Variants in MAST2 observed in about 807,000 individuals in gnomAD.
MAST2 encodes microtubule-associated serine/threonine-protein kinase 2.
Under a neutral mutation model 147.4 loss-of-function variants are expected in MAST2, and 70 were observed. The observed-to-expected ratio is 0.47, with a 90% confidence interval of 0.39 to 0.58. MAST2 has a LOEUF of 0.58. Ranked by LOEUF, MAST2 falls within the 20% of genes least tolerant of loss-of-function variation. The pLI, the probability that MAST2 is intolerant of heterozygous loss-of-function variation, is 0.00. For synonymous variants in MAST2, 869 were observed against 896.8 expected, an observed-to-expected ratio of 0.97 and a Z score of 0.55; for missense variants, 2,080 against 2,302.3, an observed-to-expected ratio of 0.90 and a Z score of 1.98.
chr1:45,945,642 T>C (rs945387758), intron 4 of MAST2, among the ~76,000 whole-genome samples: 1 of 152,218 alleles, frequency 6.6e-6, no homozygotes. Flanking sequence ...CAGATTAAAC[T>C]GTGTATTAAG....
chr1:45,862,269 A>G (rs1392015958), intron 3 of MAST2, among the ~76,000 whole-genome samples: 1 of 152,190 alleles, frequency 6.6e-6, no homozygotes, highest in Non-Finnish European at 1.5e-5. Context: ...CAACAACCTT[A>G]TAAGGTAGAT....
rs751744112 is a variant in MAST2, at chr1:46,029,575, A to C, written c.2320+8A>C. On this transcript the variant is annotated splice_region_variant and intron_variant, in intron 19 of 28. Coordinates refer to ENST00000361297, the MANE Select transcript of MAST2 (RefSeq NM_015112.3). ...TGGAGAGACTTGGCACAGGTAGGGC[A>C]GGCCCTGCTAACTTTTCTCACTACT... 9 of 1,611,588 alleles carry C rather than the reference A, an allele frequency of 5.6e-6. No individual in the cohort carries two copies. The highest frequency in any genetic ancestry group is 7.6e-6 in the Non-Finnish European group (9 of 1,178,622).
At chr1:45,846,621 AC>A (rs1645445058) in intron 3 of MAST2, among the ~76,000 whole-genome samples, 2 of 152,108 alleles carry the variant, frequency 1.3e-5, no homozygotes, top group African/African-American at 4.8e-5. Context: ...GAAGTTCAAG[AC>A]CAGCCTGGCC....
intron 5 of MAST2, among the ~76,000 whole-genome samples, chr1:45,987,776 G>GTTTTTTTTTTTTTTTTTTTT (rs1644692974): frequency 4.6e-4 from 14 of 30,706 alleles, no homozygotes; most frequent in East Asian, 8.2e-4. Context: ...TTTTTTTTTT[G>GTTTTTTTTTTTTTTTTTTTT]ATTTTTTTTT....
At chr1:45,805,763 T>C (rs1316044558) in intron 1 of MAST2, among the ~76,000 whole-genome samples, 1 of 152,222 alleles carries the variant, frequency 6.6e-6, no homozygotes, top group Admixed American at 6.5e-5. Context: ...CTTGATTTCA[T>C]CCTCTTTTGT....
At position 46,006,356 on chromosome 1, in the gene MAST2, G is replaced by T; in HGVS notation, c.863G>T (p.Arg288Leu). Residue 288 changes from arginine to leucine, a missense_variant, in exon 8 of 29, where the codon CGG (arginine) becomes CTG (leucine). By Grantham distance (102) the Arg-to-Leu change is moderately radical. Transcript: ENST00000361297. ...GAGAGCGTACCAGATGAGGAAGGAC[G>T]GCAGTCCCCAGCCATGCGGCCTCGC... The part of the protein sequence containing the change: ...STESVPDEEG[R>L]QSPAMRPRSR... 6.2e-7 allele frequency: 1 copy of T among 1,613,594 alleles called. No homozygotes were observed. Among genetic ancestry groups the T allele is most frequent in the Non-Finnish European group, 8.5e-7 (1 of 1,179,690 alleles).
intron 4 of MAST2, among the ~76,000 whole-genome samples, chr1:45,941,611 T>TTG (rs1657282281): frequency 6.6e-6 from 1 of 152,230 alleles, no homozygotes; most frequent in African/African-American, 2.4e-5. Flanking sequence ...TAGGATTGTT[T>TTG]TGTGTGTGAA....
At chr1:45,940,820 C>T (rs914472367) in intron 4 of MAST2, among the ~76,000 whole-genome samples, 5 of 152,188 alleles carry the variant, frequency 3.3e-5, no homozygotes, top group South Asian at 2.1e-4. Flanking sequence ...GGGGTTTCAC[C>T]GTGTTAGCCA....
rs1373301846 is a variant in MAST2 at position 46,002,846 on chromosome 1, C to T, written c.710C>T (p.Ser237Leu). 6.2e-7 allele frequency: 1 copy of T among 1,614,190 alleles called. No homozygotes were observed. The change falls in exon 7 of 29, where the codon TCA (serine) becomes TTA (leucine). Residue 237 changes from serine to leucine, a missense_variant. Physicochemically the swap from Ser to Leu is moderately radical, Grantham distance 145. This residue lies in a region of MAST2 where 569 missense variants were observed against 642.5 expected (regional missense o/e 0.89). Coordinates refer to ENST00000361297, the MANE Select transcript of MAST2 (RefSeq NM_015112.3). ...TGGTCTTTGGCCTCTTTGCCCTCTT[C>T]AGGATATGGAACTAACACTCCTAGC... is the stretch of plus-strand genomic sequence containing the variant. ...RRWSLASLPS[S>L]GYGTNTPSST... is the part of the protein sequence containing the mutation.
chr1:45,982,562 G>A (rs780690069), intron 5 of MAST2, among the ~76,000 whole-genome samples: 10 of 152,140 alleles, frequency 6.6e-5, no homozygotes, highest in South Asian at 2.1e-4. Context: ...TGACACTCCC[G>A]GATTCCACAA....
intron 1 of MAST2, among the ~76,000 whole-genome samples, chr1:45,814,840 C>G (rs2148658682): frequency 6.6e-6 from 1 of 152,258 alleles, no homozygotes; most frequent in African/African-American, 2.4e-5. Context: ...TGTTATTAAA[C>G]TGTTCTTTTA....
At chr1:45,930,295 G>C (rs1406748992) in intron 4 of MAST2, among the ~76,000 whole-genome samples, 2 of 152,084 alleles carry the variant, frequency 1.3e-5, no homozygotes, top group African/African-American at 4.8e-5. Flanking sequence ...TGGCCAGGCT[G>C]ATCTTGAACT....
intron 1 of MAST2, among the ~76,000 whole-genome samples, chr1:45,820,540 A>G (rs1262528459): frequency 1.3e-5 from 2 of 152,186 alleles, no homozygotes; most frequent in Non-Finnish European, 2.9e-5. Context: ...TTTTTGTGGC[A>G]GATTACATCT....
At chr1:45,870,818 A>G (rs993901019) in intron 3 of MAST2, among the ~76,000 whole-genome samples, 5 of 151,864 alleles carry the variant, frequency 3.3e-5, no homozygotes, top group South Asian at 2.1e-4. Context: ...AGTTCCAGCT[A>G]TTTGGGAAGC....
chr1:45,900,711 T>C (rs374930436), intron 4 of MAST2, among the ~76,000 whole-genome samples: 42,366 of 110,854 alleles, frequency 0.38, 21,135 homozygotes, highest in Non-Finnish European at 0.47. Context: ...ATGATCCACC[T>C]GCCTCGGCCT....
At chr1:45,992,118 T>TATTTC (rs1644877639) in intron 5 of MAST2, among the ~76,000 whole-genome samples, 1 of 152,062 alleles carries the variant, frequency 6.6e-6, no homozygotes, top group African/African-American at 2.4e-5. Context: ...GTTCCTGTTC[T>TATTTC]TGGAGAAAAA....
intron 1 of MAST2, among the ~76,000 whole-genome samples, chr1:45,811,432 G>A (rs1245465120): frequency 1.4e-5 from 2 of 146,764 alleles, no homozygotes; most frequent in African/African-American, 2.5e-5. Flanking sequence ...TCCGCCTCCC[G>A]GGTTCGCGCC....
chr1:45,829,998 G>C (rs960804322), intron 3 of MAST2, among the ~76,000 whole-genome samples: 1 of 151,316 alleles, frequency 6.6e-6, no homozygotes, highest in African/African-American at 2.4e-5. Flanking sequence ...GGGATTACAG[G>C]TGTGCGCCAC....
rs1227137346 is a variant in MAST2, at chr1:46,029,892, C to T, written c.2382C>T (p.Leu794=). The change falls in exon 20 of 29, where the codon CTC becomes CTT. Residue 794 remains leucine, a synonymous_variant. Transcript: ENST00000361297. The part of the protein sequence containing the change: ...FFTGLDWTGL[L]RQKAEFIPQL... ...CTGGTCTGGACTGGACAGGACTTCT[C>T]CGCCAGAAGGCTGAATTTATTCCTC... 1 of 1,614,100 alleles carries T rather than the reference C, an allele frequency of 6.2e-7. No homozygotes were observed. The highest frequency in any genetic ancestry group is 8.5e-7 in the Non-Finnish European group (1 of 1,180,044).
Sources: gnomAD v4.1 joint callset for allele counts (sites outside exome capture counted in the v4.1 genomes callset) on GRCh38, gnomAD v4.1.1 for gene constraint, gnomAD v4.1.1 regional missense constraint, MANE v1.5 for transcripts, NCBI Gene and HGNC (gene_info 2026-07-23, HGNC 2026-07-21) for gene names.